Variants in RPN2 observed in about 807,000 individuals in gnomAD.
RPN2 encodes the protein dolichyl-diphosphooligosaccharide--protein glycosyltransferase subunit 2.
Under a neutral mutation model 71.4 loss-of-function variants are expected in RPN2, and 29 were observed. The observed-to-expected ratio is 0.41, with a 90% CI of 0.30 to 0.55. RPN2 has a LOEUF of 0.55. Among genes scored for constraint, RPN2 ranks in the 20% least tolerant of loss-of-function variants. RPN2 has a pLI of 0.35. For synonymous variants in RPN2, 308 were observed against 305.0 expected (o/e 1.01, Z -0.10); for missense variants, 726 against 774.1 (o/e 0.94, Z 0.74).
intron 8 of RPN2, among the ~76,000 whole-genome samples, chr20:37,211,243 C>T (rs2067656712): frequency 6.6e-6 from 1 of 151,664 alleles, no homozygotes; most frequent in Admixed American, 6.6e-5. Context: ...CCATGTTGAC[C>T]AGGCTGGTCT....
chr20:37,223,824 A>G, intron 9 of RPN2, 54 bp from the exon 10 acceptor site: 1 of 1,452,258 alleles, frequency 6.9e-7, no homozygotes, highest in African/African-American at 1.4e-5. Flanking sequence ...CTGCATGTGA[A>G]TTCCTGAACA....
rs6094136 is a variant in RPN2, at chr20:37,225,606, A to G, written c.1185-82A>G. Reference sequence around the variant, plus strand: ...ACTATGGGAGAGGGTGGTTGAGGCAATGAAGTGAAGTATATATTTTCTGCC... The same window carrying G: ...ACTATGGGAGAGGGTGGTTGAGGCAGTGAAGTGAAGTATATATTTTCTGCC... On this transcript the variant is annotated intron_variant, in intron 10 of 16. Coordinates refer to ENST00000237530, the MANE Select transcript of RPN2 (RefSeq NM_002951.5). 0.017 allele frequency: 14,936 copies of G among 904,000 alleles called. 746 individuals carry two copies. The highest frequency in any genetic ancestry group is 0.14 in the African/African-American group (8,591 of 61,464). The allele number at this position is 904,000 out of a possible 1,614,324, so 56.0% of individuals were successfully genotyped here. A position where few individuals can be genotyped will look rare whatever the true frequency, so the allele number is the denominator to read the frequency against.
chr20:37,239,651 C>G (rs2068498599), intron 16 of RPN2, among the ~76,000 whole-genome samples: 1 of 152,120 alleles, frequency 6.6e-6, no homozygotes. Context: ...AAAAATGTAC[C>G]CTTTTTAGTG....
chr20:37,239,932 C>CT (rs1180086503), intron 16 of RPN2, among the ~76,000 whole-genome samples: 7 of 152,096 alleles, frequency 4.6e-5, no homozygotes, highest in South Asian at 2.1e-4. Flanking sequence ...TTAAAAAGAA[C>CT]TTTTTTTATA....
At chr20:37,229,383 T>C (rs2068173393) in intron 12 of RPN2, among the ~76,000 whole-genome samples, 1 of 152,108 alleles carries the variant, frequency 6.6e-6, no homozygotes, top group Non-Finnish European at 1.5e-5. Flanking sequence ...GCAGAAGAGC[T>C]CAAGGTGCTT....
intron 2 of RPN2, among the ~76,000 whole-genome samples, chr20:37,193,753 A>T (rs2067196299): frequency 6.6e-6 from 1 of 152,184 alleles, no homozygotes; most frequent in Admixed American, 6.5e-5. Flanking sequence ...TCTGGGAAAG[A>T]TCACGAATTT....
chr20:37,230,483 G>T (rs1488798435), intron 13 of RPN2, among the ~76,000 whole-genome samples: 1 of 152,196 alleles, frequency 6.6e-6, no homozygotes, highest in Non-Finnish European at 1.5e-5. Context: ...AGCAAGCCTG[G>T]TCCTGTCCTG....
chr20:37,230,810 T>C (rs921682672), intron 13 of RPN2, among the ~76,000 whole-genome samples: 1 of 150,948 alleles, frequency 6.6e-6, no homozygotes, highest in African/African-American at 2.4e-5. Flanking sequence ...GATACAGCAT[T>C]ATTTAAGAAT....
chr20:37,180,248 G>A (rs1198206260), intron 1 of RPN2, among the ~76,000 whole-genome samples: 1 of 152,208 alleles, frequency 6.6e-6, no homozygotes, highest in Non-Finnish European at 1.5e-5. Context: ...GAGAAGTTCA[G>A]GATAGTAAAG....
At position 37,208,902 on chromosome 20, in the gene RPN2, G is replaced by A. The variant is rs117169249; in HGVS notation, c.868-1145G>A. The stretch of plus-strand genomic sequence containing the variant: ...GGCCCCTGCAGATATCCTCCTGAGC[G>A]AGTACCCTGTTCTTCAAAATTGCCC... On this transcript the variant is annotated intron_variant, in intron 7 of 16. Coordinates refer to ENST00000237530, the MANE Select transcript of RPN2 (RefSeq NM_002951.5). Among the ~76,000 whole-genome samples, 738 of 152,304 alleles carry A rather than the reference G, an allele frequency of 4.8e-3. 5 individuals carry two copies. Among genetic ancestry groups the A allele is most frequent in the Non-Finnish European group, 5.8e-3 (395 of 68,026 alleles).
At chr20:37,193,254 C>T (rs1447220075) in intron 2 of RPN2, among the ~76,000 whole-genome samples, 2 of 152,220 alleles carry the variant, frequency 1.3e-5, no homozygotes, top group African/African-American at 4.8e-5. Context: ...GTTCCTAGAA[C>T]AGCACCTGGC....
At chr20:37,236,851 G>T in intron 16 of RPN2, 142 bp downstream of exon 16, 1 of 821,208 alleles carries the variant, frequency 1.2e-6, no homozygotes, top group Non-Finnish European at 2.0e-6. Flanking sequence ...CAGTACAGAA[G>T]CCAGAAGCAC....
Position 37,228,604 on chromosome 20 carries a change from G to A in RPN2, c.1354G>A (p.Glu452Lys), listed in dbSNP as rs1161480380. The change falls in exon 12 of 17, where the codon GAG (glutamate) becomes AAG (lysine). Residue 452 changes from glutamate to lysine, a missense_variant. Coordinates refer to ENST00000237530, the MANE Select transcript of RPN2 (RefSeq NM_002951.5). ...KTGQEVVFVA[E>K]PDNKNVYKFE... ...TGGCCAGGAAGTGGTGTTTGTTGCC[G>A]AGCCAGACAACAAGAACGTGTACAA... 7.4e-6 allele frequency: 12 copies of A among 1,614,074 alleles called. No individual in the cohort carries two copies. The highest frequency in any genetic ancestry group is 1.3e-5 in the African/African-American group (1 of 74,924).
At chr20:37,196,134 A>C (rs1229277646) in intron 2 of RPN2, among the ~76,000 whole-genome samples, 1 of 151,456 alleles carries the variant, frequency 6.6e-6, no homozygotes, top group African/African-American at 2.4e-5. Flanking sequence ...ATCTCGGCTC[A>C]CTGCAACCTC....
intron 9 of RPN2, among the ~76,000 whole-genome samples, chr20:37,220,195 G>C (rs778722150): frequency 6.6e-6 from 1 of 152,130 alleles, no homozygotes. Flanking sequence ...GTGTGTGTGT[G>C]TGTGTGTGTG....
chr20:37,200,189 C>G (rs1032867439), intron 4 of RPN2, among the ~76,000 whole-genome samples: 14 of 152,060 alleles, frequency 9.2e-5, no homozygotes, highest in African/African-American at 3.4e-4. Flanking sequence ...GACAGGGTTT[C>G]ACCATGTTGG....
chr20:37,238,227 A>G (rs1011526005), intron 16 of RPN2, among the ~76,000 whole-genome samples: 3 of 152,220 alleles, frequency 2.0e-5, no homozygotes, highest in African/African-American at 4.8e-5. Context: ...ATTCGATTCA[A>G]AAACTTAAAG....
intron 14 of RPN2, among the ~76,000 whole-genome samples, chr20:37,233,679 G>A (rs1418759520): frequency 6.6e-6 from 1 of 152,152 alleles, no homozygotes; most frequent in East Asian, 1.9e-4. Context: ...GAACTTAGTG[G>A]GGGTGTCAGT....
chr20:37,192,349 A>G (rs2067160066), intron 2 of RPN2, among the ~76,000 whole-genome samples: 1 of 152,230 alleles, frequency 6.6e-6, no homozygotes, highest in African/African-American at 2.4e-5. Flanking sequence ...AGTGCAGAGA[A>G]GACAAGAGAG....
Sources: gnomAD v4.1 joint callset for allele counts (sites outside exome capture counted in the v4.1 genomes callset) on GRCh38, gnomAD v4.1.1 for gene constraint, MANE v1.5 for transcripts, NCBI Gene and HGNC (gene_info 2026-07-23, HGNC 2026-07-21) for gene names.